Variants in SUMF1 observed in about 807,000 individuals in gnomAD.
SUMF1 encodes the protein formylglycine-generating enzyme.
SUMF1 carries 48 observed loss-of-function variants against 47.6 expected under a neutral mutation model. That is an observed-to-expected ratio of 1.01 (90% CI 0.80 to 1.28). The LOEUF (loss-of-function observed/expected upper bound fraction) is 1.28, where lower values mean the gene tolerates loss of function less well. Ranked by LOEUF, SUMF1 falls within the 50% of genes most tolerant of loss-of-function variation. SUMF1 has a pLI of 0.00. For missense variants in SUMF1, 571 were observed against 485.4 expected (o/e 1.18, Z -1.66); for synonymous variants, 230 against 192.1 (o/e 1.20, Z -1.63).
intron 9 of SUMF1, among the ~76,000 whole-genome samples, chr3:4,038,418 C>T (rs1377342569): frequency 2.0e-5 from 3 of 152,146 alleles, no homozygotes; most frequent in African/African-American, 4.8e-5. Context: ...ACGGTCTTTG[C>T]TCCTTCATTA....
At chr3:4,410,681 CA>C (rs764945577) in intron 7 of SUMF1, among the ~76,000 whole-genome samples, 183 bp downstream of exon 7, 2 of 152,318 alleles carry the variant, frequency 1.3e-5, no homozygotes. Context: ...TGCTCACAGA[CA>C]TTTTTACAAA....
intron 8 of SUMF1, among the ~76,000 whole-genome samples, chr3:4,268,257 G>T (rs1697237334): frequency 6.6e-6 from 1 of 151,914 alleles, no homozygotes; most frequent in Non-Finnish European, 1.5e-5. Context: ...GAGAGGGGAG[G>T]GATAGCATTG....
At chr3:4,069,651 T>C (rs1695471086) in intron 8 of SUMF1, among the ~76,000 whole-genome samples, 1 of 152,154 alleles carries the variant, frequency 6.6e-6, no homozygotes, top group Admixed American at 6.5e-5. Flanking sequence ...AACTAAGCTC[T>C]GATTTTTTAT....
chr3:4,401,373 C>A (rs1379269258), intron 7 of SUMF1, among the ~76,000 whole-genome samples: 1 of 152,048 alleles, frequency 6.6e-6, no homozygotes, highest in African/African-American at 2.4e-5. Context: ...AGTTCTAGAT[C>A]CTTGAGGAAT....
At chr3:4,111,826 T>C (rs1018463519) in intron 8 of SUMF1, among the ~76,000 whole-genome samples, 2 of 152,104 alleles carry the variant, frequency 1.3e-5, no homozygotes, top group African/African-American at 4.8e-5. Flanking sequence ...GGTGTTTTAG[T>C]ATGGAAAATG....
intron 8 of SUMF1, among the ~76,000 whole-genome samples, chr3:4,269,596 A>G (rs1019429997): frequency 1.5e-4 from 23 of 152,302 alleles, no homozygotes; most frequent in African/African-American, 5.3e-4. Context: ...GACAGAGGAG[A>G]GTTAACAAAG....
At chr3:4,276,894 A>G (rs1360108770) in intron 8 of SUMF1, among the ~76,000 whole-genome samples, 1 of 152,218 alleles carries the variant, frequency 6.6e-6, no homozygotes, top group Non-Finnish European at 1.5e-5. Context: ...ATAAGTATAT[A>G]GATCTGGACA....
chr3:4,453,525 C>A (rs1262661266), intron 1 of SUMF1, among the ~76,000 whole-genome samples: 1 of 148,324 alleles, frequency 6.7e-6, no homozygotes, highest in Non-Finnish European at 1.5e-5. Flanking sequence ...TGCCACCATG[C>A]CCAACTAATT....
intron 8 of SUMF1, among the ~76,000 whole-genome samples, chr3:4,373,066 C>T (rs1474011619): frequency 1.3e-5 from 2 of 152,120 alleles, no homozygotes. Context: ...AAAACAAATC[C>T]TTCAAGTAAG....
At chr3:4,371,989 A>C (rs1351583609) in intron 8 of SUMF1, among the ~76,000 whole-genome samples, 1 of 152,240 alleles carries the variant, frequency 6.6e-6, no homozygotes, top group Non-Finnish European at 1.5e-5. Context: ...TTTTCAAAAA[A>C]TTATGAATGA....
At chr3:4,301,364 C>T (rs1697960572) in intron 8 of SUMF1, among the ~76,000 whole-genome samples, 1 of 152,126 alleles carries the variant, frequency 6.6e-6, no homozygotes, top group South Asian at 2.1e-4. Flanking sequence ...CTCAAAGGCT[C>T]ATAAGACAGA....
intron 8 of SUMF1, among the ~76,000 whole-genome samples, chr3:4,222,431 T>A (rs1485839346): frequency 6.6e-6 from 1 of 152,012 alleles, no homozygotes; most frequent in Non-Finnish European, 1.5e-5. Context: ...ATGTTTGAGT[T>A]CTTTCACTCA....
intron 9 of SUMF1, among the ~76,000 whole-genome samples, chr3:4,052,380 A>G (rs1695127016): frequency 6.6e-6 from 1 of 152,170 alleles, no homozygotes; most frequent in African/African-American, 2.4e-5. Context: ...AGCACAGCAA[A>G]AAGTTTATAT....
At chr3:4,377,967 T>A (rs1700381790) in intron 7 of SUMF1, among the ~76,000 whole-genome samples, 1 of 152,192 alleles carries the variant, frequency 6.6e-6, no homozygotes, top group Non-Finnish European at 1.5e-5. Context: ...AGAATCACGT[T>A]TTCTCCAAGC....
At chr3:4,136,089 T>C (rs971770029) in intron 8 of SUMF1, among the ~76,000 whole-genome samples, 3 of 152,142 alleles carry the variant, frequency 2.0e-5, no homozygotes, top group African/African-American at 7.2e-5. Context: ...CCCATCAAGC[T>C]ACCAATGACT....
intron 7 of SUMF1, 76 bp downstream of exon 7, chr3:4,410,789 A>G: frequency 7.6e-7 from 1 of 1,316,384 alleles, no homozygotes; most frequent in Non-Finnish European, 1.1e-6. Context: ...TCGGAAACAC[A>G]TGACAGCCTG....
intron 8 of SUMF1, among the ~76,000 whole-genome samples, chr3:4,184,945 T>C (rs1177338429): frequency 6.6e-6 from 1 of 152,116 alleles, no homozygotes; most frequent in Non-Finnish European, 1.5e-5. Context: ...CCACCGCACC[T>C]GGCCTCCATA....
intron 9 of SUMF1, among the ~76,000 whole-genome samples, chr3:4,053,526 A>C (rs1451602288): frequency 6.6e-6 from 1 of 152,178 alleles, no homozygotes; most frequent in Non-Finnish European, 1.5e-5. Context: ...AAAACAATAA[A>C]GCACAATTTT....
intron 8 of SUMF1, among the ~76,000 whole-genome samples, chr3:4,223,873 C>T (rs879814408): frequency 2.6e-5 from 4 of 152,130 alleles, no homozygotes; most frequent in African/African-American, 9.7e-5. Context: ...ACCAACTGTG[C>T]GACCTGGAAC....
Sources: allele counts gnomAD v4.1 joint callset (sites outside exome capture counted in the v4.1 genomes callset), GRCh38; gene constraint gnomAD v4.1.1; transcripts MANE v1.5; gene names NCBI Gene and HGNC (gene_info 2026-07-23, HGNC 2026-07-21).